The following VAV3 variants were observed in gnomAD, a reference collection of about 807,000 sequenced individuals.
The protein encoded by VAV3 is guanine nucleotide exchange factor VAV3.
Under a neutral mutation model 131.2 loss-of-function variants are expected in VAV3, and 94 were observed. The ratio of observed to expected loss-of-function variants is 0.72; its 90% CI spans 0.61 to 0.85. VAV3 has a LOEUF of 0.85. Ranked by LOEUF, VAV3 falls within the 40% of genes least tolerant of loss-of-function variation. The probability of loss-of-function intolerance (pLI) is 0.00; values close to 1 mark genes in which losing one functional copy is unlikely to be tolerated. For missense variants in VAV3, 939 were observed against 1,002.7 expected (o/e 0.94, Z 0.86); for synonymous variants, 349 against 342.0 (o/e 1.02, Z -0.22).
intron 19 of VAV3, chr1:107,668,683 G>T: frequency 1.0e-5 from 10 of 985,342 alleles, no homozygotes; most frequent in Non-Finnish European, 1.2e-5. Flanking sequence ...CGTGGTCCCA[G>T]GAACTATGTT....
intron 15 of VAV3, among the ~76,000 whole-genome samples, chr1:107,739,243 G>C (rs924896427): frequency 3.3e-5 from 5 of 152,092 alleles, no homozygotes; most frequent in African/African-American, 4.8e-5. Flanking sequence ...AACAAAACAA[G>C]AATACTATTT....
chr1:107,643,170 CTGTG>C (rs748962643), intron 19 of VAV3, among the ~76,000 whole-genome samples: 4 of 152,144 alleles, frequency 2.6e-5, no homozygotes, highest in Non-Finnish European at 5.9e-5. Flanking sequence ...CTCATCCTTT[CTGTG>C]TATGTATCAC....
chr1:107,796,627 T>C (rs969737085), intron 2 of VAV3, among the ~76,000 whole-genome samples: 1 of 152,016 alleles, frequency 6.6e-6, no homozygotes, highest in Non-Finnish European at 1.5e-5. Context: ...ATGAATCTGT[T>C]TGGGGCCTAA....
chr1:107,794,794 T>C (rs760681486), intron 2 of VAV3, among the ~76,000 whole-genome samples: 27 of 152,160 alleles, frequency 1.8e-4, no homozygotes, highest in Non-Finnish European at 8.8e-5. Context: ...TAATTTGAAT[T>C]TCCCTTAGGG....
intron 1 of VAV3, among the ~76,000 whole-genome samples, chr1:107,938,505 C>A (rs574783525): frequency 1.3e-5 from 2 of 152,116 alleles, no homozygotes; most frequent in African/African-American, 4.8e-5. Context: ...AAGAAAGGGG[C>A]AGAAATGGAA....
In VAV3 at chr1:107,611,800, C is replaced by T. The variant is rs931943191; in HGVS notation, c.1981-1835G>A. On this transcript the variant is annotated intron_variant, in intron 21 of 26. Transcript: ENST00000370056. Reference sequence around the variant, plus strand: ...TGTCCCACTAGAGCTTTTCTCTCTTCAGTGGGTGCATTCTGACATGTGAAG... The same window carrying T: ...TGTCCCACTAGAGCTTTTCTCTCTTTAGTGGGTGCATTCTGACATGTGAAG... Among the ~76,000 whole-genome samples the T allele has an allele frequency of 1.1e-4, 16 of 152,230 alleles. No individual in the cohort carries two copies. The East Asian group carries it at 2.9e-3, about 28-fold the overall frequency.
At chr1:107,960,060 T>C (rs1675009293) in intron 1 of VAV3, among the ~76,000 whole-genome samples, 1 of 152,342 alleles carries the variant, frequency 6.6e-6, no homozygotes, top group African/African-American at 2.4e-5. Context: ...GCCCTGCTAT[T>C]GCTTTGGTAA....
chr1:107,595,650 A>G (rs1047432388), intron 25 of VAV3, among the ~76,000 whole-genome samples: 3 of 152,186 alleles, frequency 2.0e-5, no homozygotes, highest in African/African-American at 7.2e-5. Flanking sequence ...CAACCATAAC[A>G]TGCTTTTGTT....
intron 2 of VAV3, among the ~76,000 whole-genome samples, chr1:107,842,367 TC>T (rs1261235716): frequency 5.3e-5 from 8 of 152,194 alleles, no homozygotes; most frequent in African/African-American, 1.9e-4. Flanking sequence ...AACAGCTGAC[TC>T]AAGGTGAGGC....
rs7340007 is a variant in VAV3 at position 107,749,487 on chromosome 1, G to T, written c.1367C>A (p.Pro456His). The stretch of plus-strand genomic sequence containing the variant: ...CTTTTTGTTTTCTTTATCGGTTGTA[G>T]GATTATTGGCTATCTTGTACTGCTG... ...DLQQYKIANN[P>H]TTDKENKKWS... The change falls in exon 14 of 27, where the codon CCT (proline) becomes CAT (histidine). Residue 456 changes from proline to histidine, a missense_variant. Transcript: ENST00000370056. 2 of 1,603,160 alleles carry T rather than the reference G, an allele frequency of 1.2e-6. No homozygotes were observed. Among genetic ancestry groups the T allele is most frequent in the Non-Finnish European group, 1.7e-6 (2 of 1,177,370 alleles).
chr1:107,684,167 CA>C, intron 18 of VAV3, among the ~76,000 whole-genome samples: 1 of 152,288 alleles, frequency 6.6e-6, no homozygotes, highest in East Asian at 1.9e-4. Flanking sequence ...ACAAAAATTA[CA>C]GATGAAACAC....
chr1:107,781,579 G>A (rs1665692513), intron 2 of VAV3, among the ~76,000 whole-genome samples: 1 of 152,116 alleles, frequency 6.6e-6, no homozygotes, highest in South Asian at 2.1e-4. Flanking sequence ...AGAGAAGGGA[G>A]CAAAACTCTT....
intron 2 of VAV3, among the ~76,000 whole-genome samples, chr1:107,829,976 T>C (rs1668177222): frequency 6.6e-6 from 1 of 152,118 alleles, no homozygotes; most frequent in Admixed American, 6.5e-5. Context: ...TAAATTTAAG[T>C]GAAACAGTAT....
intron 15 of VAV3, among the ~76,000 whole-genome samples, chr1:107,729,979 T>C (rs1002426242): frequency 6.6e-6 from 1 of 152,284 alleles, no homozygotes; most frequent in East Asian, 1.9e-4. Context: ...AATAACAATA[T>C]GTGGACAGGA....
intron 2 of VAV3, among the ~76,000 whole-genome samples, chr1:107,867,084 C>A (rs1019074629): frequency 2.0e-5 from 3 of 152,076 alleles, no homozygotes; most frequent in Non-Finnish European, 4.4e-5. Context: ...TTTTCAGTTC[C>A]TTTACTATGC....
intron 1 of VAV3, among the ~76,000 whole-genome samples, chr1:107,946,963 G>A (rs1217478723): frequency 6.6e-6 from 1 of 152,168 alleles, no homozygotes; most frequent in Admixed American, 6.5e-5. Flanking sequence ...ATCAAATCAT[G>A]ACAGCAGCCT....
rs370296161 is a variant in VAV3 at position 107,628,600 on chromosome 1, C to A, written c.1915-10968G>T. On this transcript the variant is annotated intron_variant, in intron 20 of 26. Transcript: ENST00000370056. ...TTTCTGTGTGACTCTTCCTGTTACA[C>A]AAAAAGTTATACATAAAGTGATGTT... Among the ~76,000 whole-genome samples, 80 of 152,258 alleles carry A rather than the reference C, an allele frequency of 5.3e-4. 1 individual carries two copies. The South Asian group carries it at 8.7e-3, about 17-fold the overall frequency.
chr1:107,600,052 G>A (rs1651723958), intron 24 of VAV3, among the ~76,000 whole-genome samples: 1 of 151,870 alleles, frequency 6.6e-6, no homozygotes. Flanking sequence ...TTCTGACCAA[G>A]TATCCATGTG....
At chr1:107,747,834 A>G (rs1663447404) in intron 15 of VAV3, among the ~76,000 whole-genome samples, 1 of 152,196 alleles carries the variant, frequency 6.6e-6, no homozygotes, top group African/African-American at 2.4e-5. Flanking sequence ...TGTCTTCAAA[A>G]TATTAGATAA....
Sources: gnomAD v4.1 joint callset for allele counts (sites outside exome capture counted in the v4.1 genomes callset) on GRCh38, gnomAD v4.1.1 for gene constraint, MANE v1.5 for transcripts, NCBI Gene and HGNC (gene_info 2026-07-23, HGNC 2026-07-21) for gene names.